Variants in NTMT1 observed in about 807,000 individuals in gnomAD.
NTMT1 encodes the protein N-terminal Xaa-Pro-Lys N-methyltransferase 1.
NTMT1 carries 8 observed loss-of-function variants against 17.5 expected under a neutral mutation model. That is an observed-to-expected ratio of 0.46 (90% CI 0.27 to 0.82). The LOEUF is 0.82. Ranked by LOEUF, NTMT1 falls within the 40% of genes least tolerant of loss-of-function variation. The pLI is 0.15. For synonymous variants in NTMT1, 128 were observed against 126.8 expected (o/e 1.01, Z -0.06); for missense variants, 221 against 303.5 (o/e 0.73, Z 2.02).
intron 1 of NTMT1, among the ~76,000 whole-genome samples, chr9:129,616,967 G>T (rs917222185): frequency 6.6e-6 from 1 of 152,014 alleles, no homozygotes; most frequent in Non-Finnish European, 1.5e-5. Context: ...CCAGTTACTC[G>T]AGAGGTTGAG....
At chr9:129,615,610 C>T (rs1350654652) in intron 1 of NTMT1, 1 of 1,598,136 alleles carries the variant, frequency 6.3e-7, no homozygotes, top group Non-Finnish European at 8.5e-7. Context: ...TGGGTCAGCG[C>T]AGCCTTGAGC....
chr9:129,626,105 T>A (rs948799067), upstream of NTMT1: 1 of 150,054 alleles, frequency 6.7e-6, no homozygotes, highest in East Asian at 2.0e-4. Flanking sequence ...AGCGAGGGGG[T>A]GGAGCCAGCC....
At chr9:129,612,959 TG>T in intron 1 of NTMT1, 1 of 956,690 alleles carries the variant, frequency 1.0e-6, no homozygotes, top group Non-Finnish European at 1.5e-6. Flanking sequence ...ACACAGGGCG[TG>T]GCCACTGCAA....
intron 3 of NTMT1, 126 bp downstream of exon 3, chr9:129,634,432 CCCAGGCCCACCCCCACCCCGT>C: frequency 9.7e-7 from 1 of 1,030,072 alleles, no homozygotes. Context: ...CCCCACCCCG[CCCAGGCCCACCCCCACCCCGT>C]ACTTCCCAGG....
intron 3 of NTMT1, 118 bp from the exon 4 acceptor site, chr9:129,635,090 T>C (rs1831453292): frequency 2.5e-6 from 3 of 1,190,398 alleles, no homozygotes; most frequent in Admixed American, 2.1e-5. Context: ...TGAGGCCATG[T>C]GTGCACACAA....
rs973080480 is a variant in NTMT1 at position 129,632,712 on chromosome 9, C to T, written c.9C>T (p.Ser3=). MT[S]EVIEDEKQFY... is the part of the protein sequence containing the mutation. Reference sequence around the variant, plus strand: ...CCGTGGTTGGTGACAGCATGACGAGCGAGGTGATAGAAGACGAGAAGCAAT... The same window carrying T: ...CCGTGGTTGGTGACAGCATGACGAGTGAGGTGATAGAAGACGAGAAGCAAT... Residue 3 remains serine, a synonymous_variant, in exon 2 of 4, where the codon AGC becomes AGT. Transcript: ENST00000372483. 9 of 1,613,820 alleles carry T rather than the reference C, an allele frequency of 5.6e-6. No homozygotes were observed. The highest frequency in any genetic ancestry group is 4.0e-5 in the African/African-American group (3 of 74,904).
At position 129,635,555 on chromosome 9, in the gene NTMT1, T is replaced by C; in HGVS notation, c.*91T>C. 2.8e-6 allele frequency: 4 copies of C among 1,454,122 alleles called. No individual in the cohort carries two copies. Among genetic ancestry groups the C allele is most frequent in the Non-Finnish European group, 3.7e-6 (4 of 1,073,690 alleles). The allele number at this position is 1,454,122 out of a possible 1,614,324, so 90.1% of individuals were successfully genotyped here. On this transcript the variant is annotated 3_prime_UTR_variant, in exon 4 of 4. Transcript: ENST00000372483. Reference sequence around the variant, plus strand: ...ATCCAGGCGCCACGCTGGCGGTTCGTGAGTGTCGAGGCACCACTAAATATA... The same window carrying C: ...ATCCAGGCGCCACGCTGGCGGTTCGCGAGTGTCGAGGCACCACTAAATATA...
chr9:129,615,157 G>A (rs1002829526), intron 1 of NTMT1, among the ~76,000 whole-genome samples: 6 of 152,180 alleles, frequency 3.9e-5, no homozygotes, highest in South Asian at 2.1e-4. Flanking sequence ...TGGGGACTGC[G>A]GAGGGGAGCA....
chr9:129,627,706 C>G (rs369056828), intron 1 of NTMT1, among the ~76,000 whole-genome samples: 1 of 152,218 alleles, frequency 6.6e-6, no homozygotes, highest in African/African-American at 2.4e-5. Context: ...CTTCTTCCCT[C>G]CCTTTCTCAC....
At chr9:129,623,643 G>A (rs1439066427), upstream of NTMT1, among the ~76,000 whole-genome samples, 4 of 152,080 alleles carry the variant, frequency 2.6e-5, no homozygotes, top group African/African-American at 7.2e-5. Context: ...AGAACGCGTC[G>A]CCAAAGATAT....
intron 3 of NTMT1, chr9:129,634,904 C>G (rs1004222442): frequency 2.6e-5 from 10 of 388,434 alleles, no homozygotes; most frequent in Admixed American, 8.4e-5. Flanking sequence ...GTTCACTCCT[C>G]CGATCCAAGC....
At chr9:129,611,564 G>T (rs752182679) in intron 1 of NTMT1, among the ~76,000 whole-genome samples, 2 of 152,132 alleles carry the variant, frequency 1.3e-5, no homozygotes, top group Non-Finnish European at 2.9e-5. Flanking sequence ...CTCTTCCCTC[G>T]GCTGGAGTCT....
At chr9:129,623,184 T>A (rs1830789553), upstream of NTMT1, among the ~76,000 whole-genome samples, 1 of 151,286 alleles carries the variant, frequency 6.6e-6, no homozygotes, top group Non-Finnish European at 1.5e-5. Context: ...ATACAAAAAA[T>A]TAGCTGGTTG....
At chr9:129,619,739 C>T in intron 1 of NTMT1, 1 of 1,614,000 alleles carries the variant, frequency 6.2e-7, no homozygotes, top group South Asian at 1.1e-5. Context: ...CTGACGCTTA[C>T]CACAGGTCTG....
intron 2 of NTMT1, chr9:129,633,148 G>A (rs919262769): frequency 1.2e-5 from 6 of 485,432 alleles, no homozygotes; most frequent in African/African-American, 5.8e-5. Context: ...TGCCAGGGAC[G>A]AAACCCTTGC....
chr9:129,616,325 C>A (rs570063467), intron 1 of NTMT1, among the ~76,000 whole-genome samples: 47 of 152,296 alleles, frequency 3.1e-4, no homozygotes, highest in Non-Finnish European at 2.9e-5. Context: ...ACGCCATTCT[C>A]CTGCCTCAGC....
chr9:129,616,289 C>T (rs1830375226), intron 1 of NTMT1, among the ~76,000 whole-genome samples: 1 of 152,216 alleles, frequency 6.6e-6, no homozygotes. Flanking sequence ...CATCTCGGCT[C>T]ATTGCAAGCT....
chr9:129,619,651 G>A (rs1163430751), intron 1 of NTMT1: 3 of 1,613,348 alleles, frequency 1.9e-6, no homozygotes, highest in East Asian at 2.2e-5. Context: ...AAGACAAACA[G>A]GCCACATCTG....
chr9:129,622,286 A>C (rs1830756216), upstream of NTMT1, among the ~76,000 whole-genome samples: 1 of 152,216 alleles, frequency 6.6e-6, no homozygotes, highest in African/African-American at 2.4e-5. Flanking sequence ...TGAGGTCAGA[A>C]GTTCAATACC....
Sources: gnomAD v4.1 joint callset for allele counts (sites outside exome capture counted in the v4.1 genomes callset) on GRCh38, gnomAD v4.1.1 for gene constraint, MANE v1.5 for transcripts, NCBI Gene and HGNC (gene_info 2026-07-23, HGNC 2026-07-21) for gene names.